Variants in NDST4 observed in about 807,000 individuals in gnomAD.
NDST4 encodes N-heparan sulfate sulfotransferase 4.
Under a neutral mutation model 100.8 loss-of-function variants are expected in NDST4, and 63 were observed. The ratio of observed to expected loss-of-function variants is 0.62; its 90% CI spans 0.51 to 0.77. NDST4 has a LOEUF of 0.77. Ranked by LOEUF, NDST4 falls within the 30% of genes least tolerant of loss-of-function variation. The probability of loss-of-function intolerance (pLI) is 0.00; values close to 1 mark genes in which losing one functional copy is unlikely to be tolerated. For missense variants in NDST4, 943 were observed against 1,018.4 expected, an observed-to-expected ratio of 0.93 and a Z score of 1.01; for synonymous variants, 377 against 361.8, an observed-to-expected ratio of 1.04 and a Z score of -0.48.
chr4:114,973,795 A>G (rs13435021), intron 3 of NDST4, among the ~76,000 whole-genome samples: 2,476 of 151,876 alleles, frequency 0.016, 63 homozygotes, highest in African/African-American at 0.057. Flanking sequence ...TTTCTACCTT[A>G]TATTTGTGTA....
chr4:115,104,632 T>G (rs569169298), intron 1 of NDST4, among the ~76,000 whole-genome samples: 1 of 152,238 alleles, frequency 6.6e-6, no homozygotes, highest in Middle Eastern at 3.4e-3. Context: ...TCCTGAAAAT[T>G]TTTGAATGTT....
intron 1 of NDST4, among the ~76,000 whole-genome samples, chr4:115,108,197 T>C (rs1316937140): frequency 6.6e-6 from 1 of 152,092 alleles, no homozygotes; most frequent in Non-Finnish European, 1.5e-5. Context: ...AGCATATGCA[T>C]CTCTGCATCT....
intron 3 of NDST4, 81 bp downstream of exon 3, chr4:114,977,106 C>G (rs569776595): frequency 2.2e-4 from 182 of 845,760 alleles, no homozygotes; most frequent in Non-Finnish European, 2.9e-4. Flanking sequence ...TCTGGAGAAT[C>G]TATCTCTACC....
chr4:114,899,380 G>A (rs1724786974), intron 6 of NDST4, among the ~76,000 whole-genome samples: 1 of 151,886 alleles, frequency 6.6e-6, no homozygotes, highest in Non-Finnish European at 1.5e-5. Flanking sequence ...GGTTTCACCA[G>A]GTTAGCCAGG....
chr4:115,053,672 T>A (rs780819583), intron 2 of NDST4, among the ~76,000 whole-genome samples: 5 of 152,154 alleles, frequency 3.3e-5, no homozygotes, highest in Non-Finnish European at 7.4e-5. Flanking sequence ...CACCAAAATG[T>A]GTTACAATAA....
intron 2 of NDST4, among the ~76,000 whole-genome samples, chr4:114,980,748 T>C (rs1012812085): frequency 1.3e-5 from 2 of 152,132 alleles, no homozygotes; most frequent in African/African-American, 4.8e-5. Context: ...ACAAACAATA[T>C]AAATGGTTTT....
intron 1 of NDST4, among the ~76,000 whole-genome samples, chr4:115,107,165 T>C (rs1194757289): frequency 6.6e-6 from 1 of 151,856 alleles, no homozygotes. Context: ...TATCTCTAAA[T>C]AAAATTAAAG....
chr4:114,967,349 A>G (rs1726405892), intron 4 of NDST4, among the ~76,000 whole-genome samples: 1 of 152,138 alleles, frequency 6.6e-6, no homozygotes. Flanking sequence ...CAATATATTT[A>G]TAGGAATAAG....
chr4:115,069,941 G>A (rs1035594221), intron 2 of NDST4, among the ~76,000 whole-genome samples: 4 of 152,028 alleles, frequency 2.6e-5, no homozygotes, highest in African/African-American at 9.7e-5. Context: ...AAGAGGTTGT[G>A]GAGAAAAAGG....
intron 6 of NDST4, among the ~76,000 whole-genome samples, chr4:114,890,431 C>T (rs1406810330): frequency 6.6e-6 from 1 of 151,998 alleles, no homozygotes; most frequent in Non-Finnish European, 1.5e-5. Context: ...ATAGAATTGC[C>T]TTACTCCTTT....
intron 1 of NDST4, among the ~76,000 whole-genome samples, chr4:115,105,281 C>T (rs1194981784): frequency 6.6e-6 from 1 of 152,104 alleles, no homozygotes; most frequent in African/African-American, 2.4e-5. Flanking sequence ...ATTCATTCCT[C>T]TAATGTTGAC....
chr4:115,112,893 T>C (rs1412231147), intron 1 of NDST4, among the ~76,000 whole-genome samples: 4 of 151,936 alleles, frequency 2.6e-5, no homozygotes, highest in African/African-American at 9.7e-5. Flanking sequence ...TATTTCTTTA[T>C]AAGCAATTTA....
chr4:114,855,360 C>A (rs1411055051), intron 7 of NDST4, among the ~76,000 whole-genome samples: 1 of 152,106 alleles, frequency 6.6e-6, no homozygotes, highest in African/African-American at 2.4e-5. Context: ...GACTAAATGT[C>A]TTGGGGAGTT....
intron 2 of NDST4, among the ~76,000 whole-genome samples, chr4:114,995,739 T>A (rs1454478896): frequency 6.6e-6 from 1 of 152,132 alleles, no homozygotes; most frequent in Non-Finnish European, 1.5e-5. Context: ...TACAAATGTT[T>A]TTTAAAATCT....
chr4:115,085,253 C>A (rs1467091861), intron 1 of NDST4, among the ~76,000 whole-genome samples: 1 of 152,130 alleles, frequency 6.6e-6, no homozygotes, highest in Non-Finnish European at 1.5e-5. Flanking sequence ...AATGCCTGTA[C>A]CCCCATTGTA....
intron 4 of NDST4, among the ~76,000 whole-genome samples, chr4:114,944,398 T>C (rs1347463276): frequency 6.6e-6 from 1 of 152,200 alleles, no homozygotes; most frequent in East Asian, 1.9e-4. Flanking sequence ...ACTCTGATGA[T>C]CTTTTTTCGC....
chr4:115,052,258 A>C (rs1728598329), intron 2 of NDST4, among the ~76,000 whole-genome samples: 1 of 152,184 alleles, frequency 6.6e-6, no homozygotes, highest in Non-Finnish European at 1.5e-5. Context: ...TCATTGTTCC[A>C]CAAGCCAGCA....
intron 6 of NDST4, among the ~76,000 whole-genome samples, chr4:114,876,559 A>C (rs959029072): frequency 1.3e-5 from 2 of 152,200 alleles, no homozygotes; most frequent in Admixed American, 6.6e-5. Context: ...ATAACTATTG[A>C]TAATAATTGT....
At chr4:114,984,855 G>C (rs1355843469) in intron 2 of NDST4, among the ~76,000 whole-genome samples, 1 of 152,072 alleles carries the variant, frequency 6.6e-6, no homozygotes, top group Non-Finnish European at 1.5e-5. Flanking sequence ...AAGATGAATA[G>C]GGCTGACCCA....
Sources: allele counts gnomAD v4.1 joint callset (sites outside exome capture counted in the v4.1 genomes callset), GRCh38; gene constraint gnomAD v4.1.1; transcripts MANE v1.5; gene names NCBI Gene and HGNC (gene_info 2026-07-23, HGNC 2026-07-21).